ITSN1: variants seen among roughly 807,000 people sequenced by gnomAD.
The protein encoded by ITSN1 is intersectin 1, also known as intersectin-1.
A neutral mutation model predicts 239.8 loss-of-function variants in ITSN1; 58 were observed. That is an observed-to-expected ratio of 0.24 (90% CI 0.20 to 0.30). The LOEUF (loss-of-function observed/expected upper bound fraction) is 0.30, where lower values mean the gene tolerates loss of function less well. Among genes scored for constraint, ITSN1 ranks in the 10% least tolerant of loss-of-function variants. The pLI, the probability that ITSN1 is intolerant of heterozygous loss-of-function variation, is 1.00. For synonymous variants in ITSN1, 780 were observed against 770.8 expected (o/e 1.01, Z -0.20); for missense variants, 1,558 against 2,103.3 (o/e 0.74, Z 5.07).
chr21:33,868,796 A>G (rs930864795), intron 33 of ITSN1, among the ~76,000 whole-genome samples: 3 of 152,164 alleles, frequency 2.0e-5, no homozygotes, highest in Admixed American at 6.5e-5. Flanking sequence ...GGGCTCCTCA[A>G]GTGCTGCCAA....
intron 25 of ITSN1, 81 bp from the exon 26 acceptor site, chr21:33,826,737 G>T (rs1440188757): frequency 1.5e-6 from 2 of 1,320,396 alleles, no homozygotes; most frequent in East Asian, 2.3e-5. Context: ...GCTCAAGCGG[G>T]TTTGTATCAT....
rs182683221 is a variant in ITSN1, at chr21:33,780,352, A to G, written c.1597-1109A>G. 1.7e-3 allele frequency among the ~76,000 whole-genome samples: 265 copies of G among 152,384 alleles called. 1 individual carries two copies. The highest frequency in any genetic ancestry group is 2.5e-3 in the Non-Finnish European group (169 of 68,042). ...AAATAAAACATTCTTTGAAGAAAGA[A>G]AAGTATGTAGTAGGTAATCAGATAT... On this transcript the variant is annotated intron_variant, in intron 14 of 39. Coordinates refer to ENST00000381318, the MANE Select transcript of ITSN1 (RefSeq NM_003024.3).
chr21:33,871,918 A>C (rs371108392), intron 33 of ITSN1, among the ~76,000 whole-genome samples: 15 of 152,306 alleles, frequency 9.8e-5, no homozygotes, highest in South Asian at 6.2e-4. Context: ...TCTGTAAAAT[A>C]GGGACACTGA....
chr21:33,869,115 C>G (rs992440056), intron 33 of ITSN1, among the ~76,000 whole-genome samples: 7 of 152,262 alleles, frequency 4.6e-5, no homozygotes, highest in Middle Eastern at 3.4e-3. Context: ...CGTAATGCTA[C>G]GACCTGTCTT....
chr21:33,725,588 T>G (rs923369151), intron 4 of ITSN1, among the ~76,000 whole-genome samples: 2 of 152,168 alleles, frequency 1.3e-5, no homozygotes, highest in Non-Finnish European at 2.9e-5. Context: ...AGCAAGACCC[T>G]GTCTCTAAAA....
At chr21:33,771,378 G>A (rs921393493) in intron 11 of ITSN1, among the ~76,000 whole-genome samples, 5 of 152,138 alleles carry the variant, frequency 3.3e-5, no homozygotes, top group African/African-American at 9.7e-5. Context: ...GGAGGATTGC[G>A]TGAGGCCAAC....
chr21:33,722,440 G>T (rs1317193130), intron 3 of ITSN1, 148 bp from the exon 4 acceptor site: 10 of 995,270 alleles, frequency 1.0e-5, no homozygotes, highest in Non-Finnish European at 1.2e-5. Context: ...TTGCCTATGG[G>T]CTTATCCTTG....
At chr21:33,772,401 C>A in intron 12 of ITSN1, 78 bp downstream of exon 12, 2 of 1,476,780 alleles carry the variant, frequency 1.4e-6, no homozygotes, top group South Asian at 1.3e-5. Flanking sequence ...GATCTATTCA[C>A]GCCATCTTTG....
chr21:33,886,269 G>A lies in ITSN1; in HGVS notation c.4844-18G>A. On this transcript the variant is annotated intron_variant, in intron 38 of 39. Coordinates refer to ENST00000381318, the MANE Select transcript of ITSN1 (RefSeq NM_003024.3). Reference sequence around the variant, plus strand: ...TGAGGTGTGAGTTCCACCTGGCGAAGGCTTTTGTTCCCTCCAGGAAAGAGC... The same window carrying A: ...TGAGGTGTGAGTTCCACCTGGCGAAAGCTTTTGTTCCCTCCAGGAAAGAGC... 2 of 1,604,122 alleles carry A rather than the reference G, an allele frequency of 1.2e-6. No individual in the cohort carries two copies. The highest frequency in any genetic ancestry group is 1.7e-6 in the Non-Finnish European group (2 of 1,176,234).
chr21:33,810,902 T>G, intron 20 of ITSN1, 73 bp from the exon 21 acceptor site: 1 of 1,559,200 alleles, frequency 6.4e-7, no homozygotes, highest in Non-Finnish European at 8.8e-7. Context: ...GGCTTGGGAC[T>G]TCACTGTAGT....
At chr21:33,664,757 T>C (rs139961347) in intron 1 of ITSN1, among the ~76,000 whole-genome samples, 20 of 152,328 alleles carry the variant, frequency 1.3e-4, no homozygotes, top group African/African-American at 4.8e-4. Context: ...ATTATTCTTA[T>C]CACCTGTGAT....
intron 5 of ITSN1, among the ~76,000 whole-genome samples, chr21:33,742,646 C>T (rs1266114404): frequency 3.3e-5 from 5 of 152,082 alleles, no homozygotes; most frequent in Non-Finnish European, 7.4e-5. Context: ...AAAAGACTGG[C>T]CCAACAAGCC....
rs897060932 is a variant in ITSN1, at chr21:33,797,253, T to C, written c.1953-126T>C. The stretch of plus-strand genomic sequence containing the variant: ...GGAGCCCTGATTCAGTTGCCCCATC[T>C]GAACAACAATGTTCCCTTGATGTTC... On this transcript the variant is annotated intron_variant, in intron 17 of 39. Coordinates refer to ENST00000381318, the MANE Select transcript of ITSN1 (RefSeq NM_003024.3). The surrounding 1 kb of genome is among the most constrained non-coding windows in gnomAD (Gnocchi z 4.9). 4.1e-6 allele frequency: 3 copies of C among 732,202 alleles called. No individual in the cohort carries two copies. Among genetic ancestry groups the C allele is most frequent in the Non-Finnish European group, 4.7e-6 (2 of 427,650 alleles). The allele number at this position is 732,202 out of a possible 1,614,324, so 45.4% of individuals were successfully genotyped here. A position where few individuals can be genotyped will look rare whatever the true frequency, so the allele number is the denominator to read the frequency against.
In ITSN1 at chr21:33,885,051, G is replaced by A. The variant is rs771546522; in HGVS notation, c.4687G>A (p.Val1563Met). 1.4e-5 allele frequency: 22 copies of A among 1,613,882 alleles called. No individual in the cohort carries two copies. The South Asian group carries it at 2.4e-4, about 18-fold the overall frequency. Reference sequence around the variant, plus strand: ...CTTTTTCTGTCCAAGGACTGCCTGGGTGCAGAAAATCAAAGCTGCTTCTGA... The same window carrying A: ...CTTTTTCTGTCCAAGGACTGCCTGGATGCAGAAAATCAAAGCTGCTTCTGA... ...AESINERTAW[V>M]QKIKAASELY... Residue 1563 changes from valine (V) to methionine (M), a missense_variant, in exon 37 of 40, where the codon GTG (valine) becomes ATG (methionine). Val to Met is a conservative substitution (Grantham distance 21). Transcript: ENST00000381318.
rs1222707824 is a variant in ITSN1, at chr21:33,892,570, T to A, written c.*4270T>A. 6.6e-6 allele frequency: 1 copy of A among 152,218 alleles called. No homozygotes were observed. The highest frequency in any genetic ancestry group is 2.4e-5 in the African/African-American group (1 of 41,450). 9.4% of individuals were successfully genotyped at this position (152,218 alleles called of 1,614,324 possible). A position where few individuals can be genotyped will look rare whatever the true frequency, so the allele number is the denominator to read the frequency against. ...AGGATTGCTAGGCCAGCCTAGGTTC[T>A]GGGGCGGATCTCAGGGACAGAAACA... On this transcript the variant is annotated 3_prime_UTR_variant, in exon 40 of 40. Coordinates refer to ENST00000381318, the MANE Select transcript of ITSN1 (RefSeq NM_003024.3).
intron 29 of ITSN1, among the ~76,000 whole-genome samples, chr21:33,846,367 TAGAA>T (rs1203820231): frequency 7.2e-5 from 11 of 152,218 alleles, no homozygotes; most frequent in African/African-American, 2.4e-4. Context: ...GATGACTAGA[TAGAA>T]AGGCTGATAC....
chr21:33,759,888 T>C (rs2068171837), intron 8 of ITSN1, among the ~76,000 whole-genome samples: 1 of 151,732 alleles, frequency 6.6e-6, no homozygotes, highest in East Asian at 1.9e-4. Flanking sequence ...TCACGTGAGG[T>C]CAGGAGTTCG....
chr21:33,671,692 C>T (rs1023983316), intron 1 of ITSN1, among the ~76,000 whole-genome samples: 1 of 151,834 alleles, frequency 6.6e-6, no homozygotes, highest in African/African-American at 2.4e-5. Flanking sequence ...ATCCGAGCTA[C>T]TCAGGAGGCT....
intron 34 of ITSN1, among the ~76,000 whole-genome samples, chr21:33,880,939 G>T (rs1984795093): frequency 6.6e-6 from 1 of 151,618 alleles, no homozygotes; most frequent in South Asian, 2.1e-4. Flanking sequence ...GAACCTAGTG[G>T]AGGTGATGGA....
Sources: gnomAD v4.1 joint callset for allele counts (sites outside exome capture counted in the v4.1 genomes callset) on GRCh38, gnomAD v4.1.1 for gene constraint, Gnocchi (gnomAD v3.1) non-coding constraint, MANE v1.5 for transcripts, NCBI Gene and HGNC (gene_info 2026-07-23, HGNC 2026-07-21) for gene names.